Variants in SNX24 observed in about 807,000 individuals in gnomAD.
SNX24 encodes sorting nexin 24, also known as sorting nexin-24.
In SNX24, 22 loss-of-function variants were observed where a neutral mutation model predicts 28.7. The observed-to-expected ratio is 0.77, with a 90% CI of 0.55 to 1.10. The LOEUF (loss-of-function observed/expected upper bound fraction) is 1.10. SNX24 is among the 50% of genes least tolerant of loss of function. The pLI is 0.00. For missense variants in SNX24, 221 were observed against 201.1 expected, an observed-to-expected ratio of 1.10 and a Z score of -0.60; for synonymous variants, 69 against 71.5, an observed-to-expected ratio of 0.96 and a Z score of 0.18.
chr5:122,964,885 A>G (rs1760651398), intron 3 of SNX24, among the ~76,000 whole-genome samples: 1 of 152,156 alleles, frequency 6.6e-6, no homozygotes, highest in Admixed American at 6.5e-5. Context: ...GCTCCATAAT[A>G]TCCTATACTG....
chr5:123,000,439 GCAAA>G (rs1286077189), intron 4 of SNX24, among the ~76,000 whole-genome samples: 2 of 152,318 alleles, frequency 1.3e-5, no homozygotes, highest in Non-Finnish European at 2.9e-5. Flanking sequence ...TTGTAGTTGA[GCAAA>G]CAGAGACACA....
At chr5:122,960,519 C>T (rs1760443594) in intron 3 of SNX24, among the ~76,000 whole-genome samples, 1 of 152,024 alleles carries the variant, frequency 6.6e-6, no homozygotes, top group Admixed American at 6.6e-5. Flanking sequence ...ATTTTATGGC[C>T]ACAAGCCATT....
intron 6 of SNX24, among the ~76,000 whole-genome samples, chr5:123,005,297 C>T (rs1218629067): frequency 1.3e-5 from 2 of 152,174 alleles, no homozygotes; most frequent in African/African-American, 4.8e-5. Flanking sequence ...ACATACAGAG[C>T]CTCAGCACTT....
chr5:123,004,091 G>C (rs538187510), intron 6 of SNX24, among the ~76,000 whole-genome samples: 1 of 152,124 alleles, frequency 6.6e-6, no homozygotes, highest in Non-Finnish European at 1.5e-5. Flanking sequence ...AGGATATTGC[G>C]TATGGAAATT....
At chr5:122,979,142 C>T (rs141861408) in intron 3 of SNX24, among the ~76,000 whole-genome samples, 36 of 152,214 alleles carry the variant, frequency 2.4e-4, no homozygotes, top group African/African-American at 3.6e-4. Flanking sequence ...GAACAGAGGC[C>T]GGGTATTGAT....
chr5:123,009,264 TACAC>T (rs926055645), downstream of SNX24: 15 of 944,116 alleles, frequency 1.6e-5, no homozygotes, highest in African/African-American at 1.8e-5. Flanking sequence ...TCTGTCTGTT[TACAC>T]ACACACACAC....
chr5:122,994,058 G>A (rs569185809), intron 3 of SNX24, among the ~76,000 whole-genome samples: 1 of 152,294 alleles, frequency 6.6e-6, no homozygotes, highest in East Asian at 1.9e-4. Context: ...GTGTGTATGT[G>A]TGTGTGTGTA....
At chr5:123,025,146 A>T (rs45528438) in intron 5 of SNX24, among the ~76,000 whole-genome samples, 13 of 152,086 alleles carry the variant, frequency 8.5e-5, no homozygotes, top group African/African-American at 3.1e-4. Flanking sequence ...TTTTATTTTT[A>T]ATTCTGGTAA....
chr5:122,875,899 T>C (rs154501), intron 1 of SNX24, among the ~76,000 whole-genome samples: 118,362 of 152,234 alleles, frequency 0.78, 47,049 homozygotes, highest in East Asian at 0.99. Flanking sequence ...AGCGATTCTC[T>C]TGCCTCAGCC....
In SNX24 at chr5:122,903,463, T is replaced by G. The variant is rs1203686784; in HGVS notation, c.61-33271T>G. Among the ~76,000 whole-genome samples the G allele has an allele frequency of 3.3e-5, 5 of 152,238 alleles. No individual in the cohort carries two copies. The East Asian group carries it at 9.7e-4, about 29-fold the overall frequency. The stretch of plus-strand genomic sequence containing the variant: ...TGTTTATGTTTCTTCTATACCAACT[T>G]TTGCACTGTGTTTTGGCCAGTGAAC... On this transcript the variant is annotated intron_variant, in intron 1 of 6. Coordinates refer to ENST00000261369, the MANE Select transcript of SNX24 (RefSeq NM_014035.4).
chr5:122,907,138 A>C (rs1311962675), intron 1 of SNX24, among the ~76,000 whole-genome samples: 2 of 152,208 alleles, frequency 1.3e-5, no homozygotes, highest in Non-Finnish European at 2.9e-5. Context: ...TACTTTGCTT[A>C]TCTCTCTAAG....
intron 3 of SNX24, among the ~76,000 whole-genome samples, chr5:122,965,779 G>A (rs754121042): frequency 6.6e-6 from 1 of 152,184 alleles, no homozygotes; most frequent in Non-Finnish European, 1.5e-5. Context: ...TTTCCAAATT[G>A]TTCTTAATTA....
At chr5:122,957,646 T>C (rs959589224) in intron 3 of SNX24, among the ~76,000 whole-genome samples, 20 of 152,334 alleles carry the variant, frequency 1.3e-4, no homozygotes, top group African/African-American at 4.3e-4. Context: ...TCAGGTCTCC[T>C]AATCCATGAA....
chr5:123,024,821 T>C (rs1216390178), intron 5 of SNX24, among the ~76,000 whole-genome samples: 2 of 151,990 alleles, frequency 1.3e-5, no homozygotes, highest in Non-Finnish European at 2.9e-5. Context: ...AAATGAAACA[T>C]GGAAGAGGGA....
chr5:122,913,082 G>A (rs186917159), intron 1 of SNX24, among the ~76,000 whole-genome samples: 45 of 152,294 alleles, frequency 3.0e-4, no homozygotes, highest in Middle Eastern at 3.4e-3. Context: ...TCTTAGTACA[G>A]AACAAAATGA....
intron 1 of SNX24, among the ~76,000 whole-genome samples, chr5:122,921,262 TTA>T (rs1758419563): frequency 6.6e-6 from 1 of 152,318 alleles, no homozygotes; most frequent in East Asian, 1.9e-4. Flanking sequence ...TGAAATTTTC[TTA>T]TGTGTCCATA....
At chr5:122,991,255 T>A (rs6595424) in intron 3 of SNX24, among the ~76,000 whole-genome samples, 125,610 of 152,062 alleles carry the variant, frequency 0.83, 52,417 homozygotes, top group Non-Finnish European at 0.87. Context: ...AAAATGCCTC[T>A]TAAATCCTGG....
chr5:122,900,383 TGAA>T (rs931041079), intron 1 of SNX24, among the ~76,000 whole-genome samples: 6 of 152,124 alleles, frequency 3.9e-5, no homozygotes, highest in Admixed American at 2.0e-4. Flanking sequence ...TTTAAAAAAA[TGAA>T]GAACAGAGAA....
chr5:123,000,300 C>G (rs938489627), intron 4 of SNX24, among the ~76,000 whole-genome samples: 1 of 152,336 alleles, frequency 6.6e-6, no homozygotes, highest in South Asian at 2.1e-4. Flanking sequence ...AATTATGAAT[C>G]TAATTAACTT....
Sources: allele counts gnomAD v4.1 joint callset (sites outside exome capture counted in the v4.1 genomes callset), GRCh38; gene constraint gnomAD v4.1.1; transcripts MANE v1.5; gene names NCBI Gene and HGNC (gene_info 2026-07-23, HGNC 2026-07-21).